COL18A1: variants seen among roughly 807,000 people sequenced by gnomAD.
COL18A1 encodes collagen alpha-1(XVIII) chain.
In COL18A1, 133 loss-of-function variants were observed where a neutral mutation model predicts 168.0. The ratio of observed to expected loss-of-function variants is 0.79; its 90% CI spans 0.69 to 0.91. The LOEUF is 0.91. Ranked by LOEUF, COL18A1 falls within the 40% of genes least tolerant of loss-of-function variation. The pLI, the probability that COL18A1 is intolerant of heterozygous loss-of-function variation, is 0.00. For missense variants in COL18A1, 2,126 were observed against 1,925.4 expected (o/e 1.10, Z -1.95); for synonymous variants, 949 against 809.0 (o/e 1.17, Z -2.94).
intron 2 of COL18A1, among the ~76,000 whole-genome samples, chr21:45,442,782 CCTGGTGTGGGCGGTGGTGGTG>C (rs2034407201): frequency 2.3e-5 from 1 of 43,764 alleles, no homozygotes; most frequent in African/African-American, 1.2e-4. Context: ...GGGCGGCGGT[CCTGGTGTGGGCGGTGGTGGTG>C]CTGGTGTGGG....
At chr21:45,494,777 G>A in intron 27 of COL18A1, 85 bp from the exon 28 acceptor site, 3 of 1,330,338 alleles carry the variant, frequency 2.3e-6, no homozygotes, top group Non-Finnish European at 3.2e-6. Context: ...TGCTCTGCAT[G>A]GCCCCTCCCC....
intron 2 of COL18A1, among the ~76,000 whole-genome samples, chr21:45,438,043 C>G (rs573249395): frequency 7.4e-6 from 1 of 135,508 alleles, no homozygotes; most frequent in Non-Finnish European, 1.5e-5. Context: ...CACACAGGCA[C>G]TCTCCTGCAC....
intron 17 of COL18A1, among the ~76,000 whole-genome samples, chr21:45,488,121 G>A (rs112228143): frequency 2.4e-3 from 362 of 152,344 alleles, no homozygotes; most frequent in African/African-American, 8.5e-3. Context: ...CAAGAGACAC[G>A]TGGGGTGGCT....
chr21:45,419,030 T>C (rs1479653949), intron 2 of COL18A1, among the ~76,000 whole-genome samples: 2 of 152,242 alleles, frequency 1.3e-5, no homozygotes, highest in Non-Finnish European at 2.9e-5. Context: ...CAGTAAAGGA[T>C]GGACGCGAGG....
intron 2 of COL18A1, among the ~76,000 whole-genome samples, chr21:45,445,595 C>T (rs1349506712): frequency 2.6e-5 from 4 of 152,202 alleles, no homozygotes; most frequent in African/African-American, 9.6e-5. Context: ...GTTCTGATTT[C>T]GCCACATCTT....
chr21:45,491,273 C>G lies in COL18A1; in HGVS notation c.2116C>G (p.Pro706Ala), dbSNP rs546271526. 21 of 1,612,228 alleles carry G rather than the reference C, an allele frequency of 1.3e-5. No homozygotes were observed. The highest frequency in any genetic ancestry group is 4.5e-5 in the East Asian group (2 of 44,884). The change falls in exon 22 of 42, where the codon CCC (proline) becomes GCC (alanine). Residue 706 changes from proline (P) to alanine (A), a missense_variant. Physicochemically the swap from Pro to Ala is conservative, Grantham distance 27. Transcript: ENST00000651438. ...GVGQPGLPGP[P>A]GPPGPVVYVS... ...CGGGCAGCCGGGCCTCCCTGGCCCC[C>G]CCGGACCCCCGGGACCTGTGGTCTA...
At chr21:45,466,244 C>T (rs1405143319) in intron 2 of COL18A1, among the ~76,000 whole-genome samples, 2 of 152,304 alleles carry the variant, frequency 1.3e-5, no homozygotes, top group East Asian at 3.9e-4. Context: ...GCCAGAGGTA[C>T]CCGCTGCTCT....
chr21:45,406,665 G>C (rs1244563522), intron 2 of COL18A1, among the ~76,000 whole-genome samples: 1 of 152,140 alleles, frequency 6.6e-6, no homozygotes, highest in African/African-American at 2.4e-5. Flanking sequence ...GGCCGCCAGC[G>C]CCCACAGGGC....
intron 26 of COL18A1, 169 bp downstream of exon 26, chr21:45,493,744 T>A (rs2036439491): frequency 3.2e-6 from 2 of 617,440 alleles, no homozygotes; most frequent in South Asian, 1.9e-5. Flanking sequence ...CGCACCCATG[T>A]CGGCGGTTCC....
intron 2 of COL18A1, among the ~76,000 whole-genome samples, chr21:45,429,084 G>A (rs1286512613): frequency 6.6e-6 from 1 of 151,838 alleles, no homozygotes; most frequent in African/African-American, 2.4e-5. Context: ...TGTATTTTTA[G>A]TAGAGATGGG....
intron 2 of COL18A1, among the ~76,000 whole-genome samples, chr21:45,412,378 A>G (rs2033324808): frequency 6.6e-6 from 1 of 151,210 alleles, no homozygotes. Context: ...CTGGGACTAC[A>G]GGTGTGGGCC....
chr21:45,486,608 C>T (rs1268632338), intron 15 of COL18A1, among the ~76,000 whole-genome samples: 2 of 152,208 alleles, frequency 1.3e-5, no homozygotes, highest in Non-Finnish European at 2.9e-5. Context: ...GGGCCTCCCC[C>T]TGTGCATGTG....
intron 2 of COL18A1, among the ~76,000 whole-genome samples, chr21:45,438,978 A>G (rs2034294897): frequency 6.6e-6 from 1 of 152,128 alleles, no homozygotes; most frequent in Non-Finnish European, 1.5e-5. Flanking sequence ...AAGCCACAGG[A>G]CGTGCTTAGG....
chr21:45,506,978 A>AT, intron 37 of COL18A1: 2 of 275,752 alleles, frequency 7.3e-6, no homozygotes, highest in South Asian at 3.5e-5. Flanking sequence ...GCTTGTAGGC[A>AT]CCCGGATGCA....
chr21:45,497,748 A>T (rs1444275600), intron 32 of COL18A1, 87 bp downstream of exon 32: 1 of 1,529,626 alleles, frequency 6.5e-7, no homozygotes, highest in African/African-American at 1.4e-5. Flanking sequence ...CACCACAAGC[A>T]GGTCCTGGAC....
At chr21:45,475,335 G>A (rs1265565134) in intron 4 of COL18A1, 141 bp from the exon 5 acceptor site, 14 of 776,690 alleles carry the variant, frequency 1.8e-5, no homozygotes, top group East Asian at 1.1e-4. Context: ...GCGGCCCCCC[G>A]GAGAGCACCA....
intron 33 of COL18A1, 100 bp from the exon 34 acceptor site, chr21:45,504,316 G>T: frequency 2.4e-6 from 3 of 1,263,516 alleles, no homozygotes; most frequent in Non-Finnish European, 2.2e-6. Context: ...CCTGGGCTCC[G>T]GAAGCTTCTG....
At chr21:45,415,911 G>A (rs936172263) in intron 2 of COL18A1, among the ~76,000 whole-genome samples, 4 of 152,194 alleles carry the variant, frequency 2.6e-5, no homozygotes, top group African/African-American at 4.8e-5. Context: ...GGTACTTGCC[G>A]GGGGCCGGGA....
At chr21:45,503,850 A>G (rs904562988) in intron 32 of COL18A1, 161 bp from the exon 33 acceptor site, 27 of 543,386 alleles carry the variant, frequency 5.0e-5, no homozygotes, top group Non-Finnish European at 8.3e-5. Context: ...AAAACATCAG[A>G]AAGTATCGGT....
Sources: allele counts gnomAD v4.1 joint callset (sites outside exome capture counted in the v4.1 genomes callset), GRCh38; gene constraint gnomAD v4.1.1; transcripts MANE v1.5; gene names NCBI Gene and HGNC (gene_info 2026-07-23, HGNC 2026-07-21).